BBS12: variants seen among roughly 807,000 people sequenced by gnomAD.
The protein encoded by BBS12 is Bardet-Biedl syndrome 12, also known as chaperonin-containing T-complex member BBS12.
In BBS12, 5 loss-of-function variants were observed where a neutral mutation model predicts 5.6. That is an observed-to-expected ratio of 0.89 (90% CI 0.46 to 1.86). The LOEUF (loss-of-function observed/expected upper bound fraction) is 1.86. Among genes scored for constraint, BBS12 ranks in the 40% most tolerant of loss-of-function variants. The pLI, the probability that BBS12 is intolerant of heterozygous loss-of-function variation, is 0.01. For missense variants in BBS12, 748 were observed against 830.4 expected (o/e 0.90, Z 1.22); for synonymous variants, 308 against 306.8 (o/e 1.00, Z -0.04).
At chr4:122,725,501 C>T in the BBS12 span, among the ~76,000 whole-genome samples, 3 of 152,114 alleles carry the variant, frequency 2.0e-5, no homozygotes, top group African/African-American at 7.2e-5. Context: ...CAAACAAAAA[C>T]ATAAAGTGGG....
the BBS12 span, among the ~76,000 whole-genome samples, chr4:122,712,964 A>G: frequency 1.3e-5 from 2 of 152,192 alleles, no homozygotes; most frequent in African/African-American, 4.8e-5. Flanking sequence ...GCAACTGCAT[A>G]TGTGGTGGTG....
Position 122,741,906 on chromosome 4 carries a change from G to T in BBS12, c.14G>T (p.Cys5Phe). The stretch of plus-strand genomic sequence containing the variant: ...AGATCATGATACATGGTGATGGCTT[G>T]CAGAGTCGTAAACAAAAGAAGACAC... MVMA[C>F]RVVNKRRHMG... Residue 5 changes from cysteine to phenylalanine, a missense_variant, in exon 2 of 2, where the codon TGC becomes TTC. Cys to Phe is a radical substitution (Grantham distance 205). Coordinates refer to ENST00000314218, the MANE Select transcript of BBS12 (RefSeq NM_152618.3). 6.2e-7 allele frequency: 1 copy of T among 1,614,072 alleles called. No individual in the cohort carries two copies. Among genetic ancestry groups the T allele is most frequent in the Non-Finnish European group, 8.5e-7 (1 of 1,179,992 alleles).
the BBS12 span, among the ~76,000 whole-genome samples, chr4:122,710,797 G>T: frequency 6.6e-6 from 1 of 151,866 alleles, no homozygotes. Context: ...TGACTAAAAG[G>T]GGTTTTCCTC....
chr4:122,724,964 A>G, the BBS12 span, among the ~76,000 whole-genome samples: 34 of 152,196 alleles, frequency 2.2e-4, no homozygotes, highest in African/African-American at 8.0e-4. Context: ...AGGAAAATTC[A>G]ATGCCATGAT....
chr4:122,703,772 CTT>C, the BBS12 span, among the ~76,000 whole-genome samples: 1 of 152,104 alleles, frequency 6.6e-6, no homozygotes, highest in African/African-American at 2.4e-5. Flanking sequence ...GTGGATCAAA[CTT>C]TTAAAATTCA....
At chr4:122,736,752 C>A (rs1364422317) in intron 1 of BBS12, among the ~76,000 whole-genome samples, 1 of 152,088 alleles carries the variant, frequency 6.6e-6, no homozygotes, top group Non-Finnish European at 1.5e-5. Flanking sequence ...ACTTTGTTAT[C>A]CCCTTTGCTG....
the BBS12 span, among the ~76,000 whole-genome samples, chr4:122,725,978 C>T: frequency 6.7e-6 from 1 of 149,418 alleles, no homozygotes; most frequent in Non-Finnish European, 1.5e-5. Context: ...TTCTAAAAGA[C>T]GACATCGGAA....
chr4:122,741,199 T>G (rs962344589), intron 1 of BBS12, among the ~76,000 whole-genome samples: 12 of 152,170 alleles, frequency 7.9e-5, no homozygotes, highest in African/African-American at 1.9e-4. Flanking sequence ...TGTTGTTGTT[T>G]TTTCTGAGAC....
chr4:122,737,010 T>G (rs988120544), intron 1 of BBS12, among the ~76,000 whole-genome samples: 2 of 152,206 alleles, frequency 1.3e-5, no homozygotes, highest in Non-Finnish European at 2.9e-5. Context: ...TATACATTAG[T>G]TTTCTTTAAA....
At chr4:122,720,305 G>A in the BBS12 span, among the ~76,000 whole-genome samples, 1 of 152,078 alleles carries the variant, frequency 6.6e-6, no homozygotes, top group Non-Finnish European at 1.5e-5. Context: ...ACAAAAATTA[G>A]CCAGGCATGC....
At position 122,743,960 on chromosome 4, in the gene BBS12, A is replaced by T. The variant is rs1373784512; in HGVS notation, c.2068A>T (p.Ile690Leu). The change falls in exon 2 of 2, where the codon ATA becomes TTA. Residue 690 changes from isoleucine (I) to leucine (L), a missense_variant. Transcript: ENST00000314218. ...GTTAGTACTTCAGACAGACAGTGAA[A>T]TAATTACTGGACATGGACACACACA... ...VLLVLQTDSEIITGHGHTQIN... is the reference protein window; with the variant it reads ...VLLVLQTDSELITGHGHTQIN... 6.2e-7 allele frequency: 1 copy of T among 1,613,222 alleles called. No homozygotes were observed. Among genetic ancestry groups the T allele is most frequent in the Admixed American group, 1.7e-5 (1 of 59,812 alleles).
the BBS12 span, among the ~76,000 whole-genome samples, chr4:122,705,797 T>C: frequency 9.2e-5 from 14 of 152,350 alleles, no homozygotes; most frequent in Middle Eastern, 3.4e-3. Context: ...TGTCCTGATA[T>C]GTTGCAGTCC....
At chr4:122,728,212 GATATTAATTT>G (rs1301820428), upstream of BBS12, among the ~76,000 whole-genome samples, 1 of 152,028 alleles carries the variant, frequency 6.6e-6, no homozygotes, top group African/African-American at 2.4e-5. Flanking sequence ...TATGTATAAG[GATATTAATTT>G]AAGCAAAACG....
the BBS12 span, among the ~76,000 whole-genome samples, chr4:122,705,827 A>G: frequency 1.4e-4 from 21 of 152,342 alleles, no homozygotes; most frequent in African/African-American, 3.6e-4. Flanking sequence ...TTTATGAGTC[A>G]TTTATTTAGA....
chr4:122,717,285 A>C, the BBS12 span, among the ~76,000 whole-genome samples: 1 of 152,198 alleles, frequency 6.6e-6, no homozygotes, highest in African/African-American at 2.4e-5. Flanking sequence ...CTTTATCACT[A>C]TAGAAAATCA....
intron 1 of BBS12, 101 bp from the exon 2 acceptor site, chr4:122,741,782 G>A: frequency 1.0e-6 from 1 of 960,948 alleles, no homozygotes; most frequent in Non-Finnish European, 1.6e-6. Context: ...GAAATTATAT[G>A]TACCTCAAAA....
chr4:122,734,476 C>T (rs1269578072), intron 1 of BBS12, among the ~76,000 whole-genome samples: 1 of 152,122 alleles, frequency 6.6e-6, no homozygotes, highest in Non-Finnish European at 1.5e-5. Flanking sequence ...CCGTATTAGC[C>T]AGGATGGTCT....
chr4:122,716,589 A>ACATG, the BBS12 span, among the ~76,000 whole-genome samples: 1 of 142,020 alleles, frequency 7.0e-6, no homozygotes, highest in Admixed American at 7.1e-5. Context: ...ATATATACAC[A>ACATG]TATGTATGTA....
At chr4:122,733,287 A>C (rs1423039373) in intron 1 of BBS12, among the ~76,000 whole-genome samples, 7 of 152,030 alleles carry the variant, frequency 4.6e-5, no homozygotes, top group Admixed American at 3.9e-4. Flanking sequence ...ACATAGATAA[A>C]CGTTTTTACA....
Sources: allele counts gnomAD v4.1 joint callset (sites outside exome capture counted in the v4.1 genomes callset), GRCh38; gene constraint gnomAD v4.1.1; transcripts MANE v1.5; gene names NCBI Gene and HGNC (gene_info 2026-07-23, HGNC 2026-07-21).